Variants in ITCH observed in about 807,000 individuals in gnomAD.
ITCH encodes the protein E3 ubiquitin-protein ligase Itchy homolog.
In ITCH, 28 loss-of-function variants were observed where a neutral mutation model predicts 126.8. The observed-to-expected ratio is 0.22, with a 90% CI of 0.16 to 0.30. The LOEUF is 0.30. Ranked by LOEUF, ITCH falls within the 10% of genes least tolerant of loss-of-function variation. The pLI is 1.00. For synonymous variants in ITCH, 342 were observed against 340.0 expected (o/e 1.01, Z -0.06); for missense variants, 631 against 1,032.4 (o/e 0.61, Z 5.33).
At chr20:34,420,898 C>A (rs1980675614) in intron 6 of ITCH, among the ~76,000 whole-genome samples, 1 of 152,142 alleles carries the variant, frequency 6.6e-6, no homozygotes, top group South Asian at 2.1e-4. Context: ...CTAGGGTGTA[C>A]CACTGAACTG....
In ITCH at chr20:34,480,686, T is replaced by G. The variant is rs762383802; in HGVS notation, c.1906T>G (p.Leu636Val). ...ILNKPVGLKD[L>V]ESIDPEFYNS... Reference sequence around the variant, plus strand: ...GAACAAACCAGTTGGACTCAAGGATTTAGAATCTATTGATCCAGAATTTTA... The same window carrying G: ...GAACAAACCAGTTGGACTCAAGGATGTAGAATCTATTGATCCAGAATTTTA... The change falls in exon 19 of 25, where the codon TTA becomes GTA. Residue 636 changes from leucine to valine, a missense_variant. By Grantham distance (32) the Leu-to-Val change is conservative. This residue lies in a region of ITCH where 390 missense variants were observed against 731.6 expected (regional missense o/e 0.53). Transcript: ENST00000374864. 47 of 1,611,674 alleles carry G rather than the reference T, an allele frequency of 2.9e-5. No individual in the cohort carries two copies. The highest frequency in any genetic ancestry group is 3.9e-5 in the Non-Finnish European group (46 of 1,178,032).
At chr20:34,483,060 G>A (rs1470305287) in intron 20 of ITCH, among the ~76,000 whole-genome samples, 2 of 152,302 alleles carry the variant, frequency 1.3e-5, no homozygotes, top group East Asian at 1.9e-4. Flanking sequence ...GGAGCAGCTA[G>A]GAAACAGGGC....
intron 7 of ITCH, among the ~76,000 whole-genome samples, chr20:34,438,032 C>T (rs1210812029): frequency 6.6e-6 from 1 of 152,166 alleles, no homozygotes; most frequent in African/African-American, 2.4e-5. Context: ...ACTTTGTTCT[C>T]CTAGCATGGG....
chr20:34,449,169 G>A (rs1984852367), intron 11 of ITCH, among the ~76,000 whole-genome samples: 1 of 152,030 alleles, frequency 6.6e-6, no homozygotes, highest in Admixed American at 6.6e-5. Flanking sequence ...TGGGGATGAG[G>A]ATTACATATA....
At chr20:34,405,771 T>G (rs1048065708) in intron 3 of ITCH, among the ~76,000 whole-genome samples, 4 of 142,930 alleles carry the variant, frequency 2.8e-5, no homozygotes, top group Non-Finnish European at 6.1e-5. Flanking sequence ...GAGCTTTGAT[T>G]TAATAGTACT....
intron 14 of ITCH, among the ~76,000 whole-genome samples, chr20:34,469,251 T>A (rs1032043677): frequency 5.6e-5 from 8 of 141,612 alleles, no homozygotes; most frequent in African/African-American, 8.0e-5. Flanking sequence ...ACACACACAC[T>A]CACACACTTT....
At chr20:34,437,415 C>T (rs1436985802) in intron 7 of ITCH, among the ~76,000 whole-genome samples, 2 of 152,184 alleles carry the variant, frequency 1.3e-5, no homozygotes, top group African/African-American at 4.8e-5. Context: ...AAACAATCCT[C>T]CCACCTCAGC....
chr20:34,487,051 A>C (rs1397465703), intron 20 of ITCH, among the ~76,000 whole-genome samples: 7 of 126,368 alleles, frequency 5.5e-5, no homozygotes, highest in African/African-American at 3.0e-5. Flanking sequence ...TCTCTCTGTC[A>C]CCCAGGCTGG....
Position 34,398,434 on chromosome 20 carries a change from C to T in ITCH, c.70+4553C>T, listed in dbSNP as rs558272273. Among the ~76,000 whole-genome samples, 8 of 150,560 alleles carry T rather than the reference C, an allele frequency of 5.3e-5. No homozygotes were observed. The South Asian group carries it at 1.7e-3, about 32-fold the overall frequency. On this transcript the variant is annotated intron_variant, in intron 3 of 24. Transcript: ENST00000374864. ...TTTTTTTTTGAGACAGTTTCCCTTT[C>T]GTTGCCCAGGCTGGAGTGCAATGGC...
rs11167237 is a variant in ITCH at position 34,509,913 on chromosome 20, A to AT, written c.*2126dup. On this transcript the variant is annotated 3_prime_UTR_variant, in exon 25 of 25. Coordinates refer to ENST00000374864, the MANE Select transcript of ITCH (RefSeq NM_031483.7). ...ATTAAGAGATAATGTAAGAAAATACATTTTTTTGGTTCTATATAATGCTTC... is the reference window on the plus strand; with the variant it reads ...ATTAAGAGATAATGTAAGAAAATACATTTTTTTTGGTTCTATATAATGCTTC... 0.45 allele frequency: 68,911 copies of AT among 152,282 alleles called. 16,084 individuals are homozygous for AT. Among genetic ancestry groups the AT allele is most frequent in the Non-Finnish European group, 0.5 (34,029 of 67,932 alleles). The allele number at this position is 152,282 out of a possible 1,614,324, so 9.4% of individuals were successfully genotyped here.
intron 5 of ITCH, 144 bp downstream of exon 5, chr20:34,412,783 A>G: frequency 1.5e-6 from 1 of 669,818 alleles, no homozygotes; most frequent in Non-Finnish European, 2.5e-6. Flanking sequence ...GAAGAATTTT[A>G]CACTATTGAA....
intron 7 of ITCH, 85 bp from the exon 8 acceptor site, chr20:34,438,384 AGTTTT>A: frequency 4.3e-6 from 6 of 1,397,982 alleles, no homozygotes; most frequent in Non-Finnish European, 5.0e-6. Flanking sequence ...AAAACTTAGA[AGTTTT>A]CATCCTCCTG....
chr20:34,383,836 CTTT>C (rs745864966), intron 2 of ITCH, among the ~76,000 whole-genome samples: 5 of 68,654 alleles, frequency 7.3e-5, no homozygotes, highest in South Asian at 5.2e-4. Context: ...GTCTGTAATT[CTTT>C]TTTTTTTTTT....
rs373695855 is a variant in ITCH at position 34,508,850 on chromosome 20, CTA to C, written c.*1057_*1058del. 3 of 152,070 alleles carry C rather than the reference CTA, an allele frequency of 2.0e-5. No homozygotes were observed. Among genetic ancestry groups the C allele is most frequent in the African/African-American group, 7.2e-5 (3 of 41,386 alleles). The allele number at this position is 152,070 out of a possible 1,614,324, so 9.4% of individuals were successfully genotyped here. On this transcript the variant is annotated 3_prime_UTR_variant, in exon 25 of 25. Coordinates refer to ENST00000374864, the MANE Select transcript of ITCH (RefSeq NM_031483.7). ...GTTAAGGAGTTTAAGACTAGAAAGA[CTA>C]GAGTGCTTTCTAGTCCAAATAGAGG... is the stretch of plus-strand genomic sequence containing the variant.
chr20:34,464,719 T>C (rs1308287829), intron 14 of ITCH, among the ~76,000 whole-genome samples: 1 of 152,042 alleles, frequency 6.6e-6, no homozygotes, highest in East Asian at 1.9e-4. Context: ...CTAAGTTCTT[T>C]TTTTTTTTGT....
intron 23 of ITCH, among the ~76,000 whole-genome samples, chr20:34,494,100 A>G (rs1989700413): frequency 6.6e-6 from 1 of 152,182 alleles, no homozygotes; most frequent in Non-Finnish European, 1.5e-5. Context: ...GTGTTGACGC[A>G]CACTTGTAGC....
intron 3 of ITCH, among the ~76,000 whole-genome samples, chr20:34,400,872 C>T (rs12480410): frequency 0.51 from 77,457 of 151,666 alleles, 20,038 homozygotes; most frequent in Admixed American, 0.62. Context: ...ATTCTCATGC[C>T]TCAGCCTCCC....
chr20:34,488,807 G>T (rs563197144), intron 20 of ITCH, among the ~76,000 whole-genome samples: 1 of 152,360 alleles, frequency 6.6e-6, no homozygotes, highest in African/African-American at 2.4e-5. Flanking sequence ...GATGGCGGAG[G>T]CAGGAAGATC....
chr20:34,418,002 A>C, intron 6 of ITCH, among the ~76,000 whole-genome samples: 1 of 144,030 alleles, frequency 6.9e-6, no homozygotes, highest in African/African-American at 2.6e-5. Context: ...GGTATCGTTC[A>C]TTTGCCAAGG....
Sources: gnomAD v4.1 joint callset for allele counts (sites outside exome capture counted in the v4.1 genomes callset) on GRCh38, gnomAD v4.1.1 for gene constraint, gnomAD v4.1.1 regional missense constraint, MANE v1.5 for transcripts, NCBI Gene and HGNC (gene_info 2026-07-23, HGNC 2026-07-21) for gene names.